SORCS1: variants seen among roughly 807,000 people sequenced by gnomAD.
SORCS1 encodes the protein sortilin related VPS10 domain containing receptor 1.
SORCS1 carries 60 observed loss-of-function variants against 146.1 expected under a neutral mutation model. The observed-to-expected ratio is 0.41, with a 90% CI of 0.33 to 0.51. The LOEUF is 0.51. Ranked by LOEUF, SORCS1 falls within the 20% of genes least tolerant of loss-of-function variation. The pLI, the probability that SORCS1 is intolerant of heterozygous loss-of-function variation, is 0.21. For missense variants in SORCS1, 1,352 were observed against 1,487.6 expected (o/e 0.91, Z 1.50); for synonymous variants, 637 against 584.0 (o/e 1.09, Z -1.31).
chr10:106,635,834 TG>T (rs1172754576), intron 18 of SORCS1, among the ~76,000 whole-genome samples: 1 of 152,186 alleles, frequency 6.6e-6, no homozygotes, highest in Non-Finnish European at 1.5e-5. Context: ...TAAGCGGCAC[TG>T]AGTGACAGAA....
chr10:106,702,526 G>A (rs1406570533), intron 8 of SORCS1, among the ~76,000 whole-genome samples: 2 of 152,154 alleles, frequency 1.3e-5, no homozygotes, highest in Admixed American at 6.5e-5. Flanking sequence ...GGAAAACACA[G>A]ATGTATCAAA....
intron 3 of SORCS1, among the ~76,000 whole-genome samples, chr10:106,796,975 C>T (rs552685503): frequency 5.9e-5 from 9 of 152,158 alleles, no homozygotes; most frequent in South Asian, 4.2e-4. Flanking sequence ...GGCGTGGTGG[C>T]GGGTGCCTGT....
At chr10:106,877,304 T>C (rs754334383) in intron 2 of SORCS1, among the ~76,000 whole-genome samples, 6 of 152,070 alleles carry the variant, frequency 3.9e-5, no homozygotes, top group Admixed American at 1.3e-4. Context: ...AAAGTGGGAA[T>C]GGGCACACTA....
At chr10:106,613,409 A>C (rs2133433683) in intron 21 of SORCS1, among the ~76,000 whole-genome samples, 1 of 152,300 alleles carries the variant, frequency 6.6e-6, no homozygotes, top group Non-Finnish European at 1.5e-5. Context: ...AGGTTCAGTA[A>C]GCCTGTTCAG....
chr10:106,771,569 TA>T (rs1288279867), intron 4 of SORCS1, among the ~76,000 whole-genome samples: 1 of 152,208 alleles, frequency 6.6e-6, no homozygotes, highest in East Asian at 1.9e-4. Context: ...GCCTACTGTT[TA>T]AATTATAGAA....
At chr10:106,882,219 A>G (rs1950829989) in intron 2 of SORCS1, among the ~76,000 whole-genome samples, 1 of 152,202 alleles carries the variant, frequency 6.6e-6, no homozygotes, top group South Asian at 2.1e-4. Context: ...TGGACGAAGA[A>G]GAATTGTCTT....
At chr10:106,612,120 C>A in intron 21 of SORCS1, 97 bp from the exon 22 acceptor site, 1 of 867,506 alleles carries the variant, frequency 1.2e-6, no homozygotes, top group Non-Finnish European at 1.8e-6. Flanking sequence ...GGGTCCTTCC[C>A]CTTCACTTAC....
At chr10:106,636,956 C>T (rs547096061) in intron 18 of SORCS1, among the ~76,000 whole-genome samples, 155 of 152,298 alleles carry the variant, frequency 1.0e-3, no homozygotes, top group Admixed American at 2.4e-3. Context: ...TTGTAAGCTT[C>T]GCTAACTACA....
rs148840097 is a variant in SORCS1 at position 106,872,221 on chromosome 10, C to T, written c.627-42548G>A. Among the ~76,000 whole-genome samples, 26 of 152,266 alleles carry T rather than the reference C, an allele frequency of 1.7e-4. 1 individual carries two copies. The East Asian group carries it at 3.7e-3, about 22-fold the overall frequency. The stretch of plus-strand genomic sequence containing the variant: ...AGCCAAAGAAGGCCTCCTTGAAACG[C>T]ATTTGAGAATAAATCTGAATGACAT... On this transcript the variant is annotated intron_variant, in intron 2 of 25. Transcript: ENST00000263054.
At chr10:107,070,601 T>A (rs1962334543) in intron 1 of SORCS1, among the ~76,000 whole-genome samples, 1 of 152,228 alleles carries the variant, frequency 6.6e-6, no homozygotes, top group African/African-American at 2.4e-5. Context: ...AATAATTTAC[T>A]TTCATCGTTT....
At chr10:106,679,814 A>G (rs1852302072) in intron 10 of SORCS1, 80 bp from the exon 11 acceptor site, 1 of 1,126,856 alleles carries the variant, frequency 8.9e-7, no homozygotes, top group Non-Finnish European at 1.3e-6. Context: ...TCATCCATCC[A>G]TCTAACCAAC....
intron 6 of SORCS1, among the ~76,000 whole-genome samples, chr10:106,723,547 C>T (rs1354542063): frequency 3.9e-5 from 6 of 152,226 alleles, no homozygotes; most frequent in African/African-American, 7.2e-5. Context: ...TAATACCTCC[C>T]GTGATTGATT....
At chr10:107,107,373 G>A (rs1408092932) in intron 1 of SORCS1, among the ~76,000 whole-genome samples, 1 of 152,206 alleles carries the variant, frequency 6.6e-6, no homozygotes, top group Admixed American at 6.5e-5. Context: ...GACAGTGGAG[G>A]AAGGTAATCT....
intron 2 of SORCS1, among the ~76,000 whole-genome samples, chr10:106,918,223 C>G (rs563919909): frequency 1.3e-5 from 2 of 152,046 alleles, no homozygotes; most frequent in Admixed American, 6.5e-5. Context: ...TGCAGTGGTG[C>G]GATTTCAGCT....
intron 1 of SORCS1, among the ~76,000 whole-genome samples, chr10:106,970,311 T>TTCCC (rs1955710792): frequency 6.6e-6 from 1 of 150,668 alleles, no homozygotes; most frequent in South Asian, 2.1e-4. Flanking sequence ...TATCCCCTTC[T>TTCCC]TCCCTCCAAA....
At chr10:107,143,108 A>T (rs2134734052) in intron 1 of SORCS1, among the ~76,000 whole-genome samples, 1 of 152,340 alleles carries the variant, frequency 6.6e-6, no homozygotes, top group South Asian at 2.1e-4. Context: ...TGTAAAAATC[A>T]CAAGTACCAT....
the SORCS1 span, among the ~76,000 whole-genome samples, chr10:107,172,904 T>C: frequency 6.6e-6 from 1 of 152,220 alleles, no homozygotes; most frequent in Non-Finnish European, 1.5e-5. Context: ...CCCTGCCCGG[T>C]AACATTGACA....
intron 1 of SORCS1, among the ~76,000 whole-genome samples, chr10:106,979,864 C>G (rs1956180523): frequency 6.6e-6 from 1 of 152,200 alleles, no homozygotes; most frequent in Non-Finnish European, 1.5e-5. Flanking sequence ...GTTTCCTCAT[C>G]ATGAAGGTAT....
intron 24 of SORCS1, among the ~76,000 whole-genome samples, chr10:106,590,537 C>T (rs765404775): frequency 7.2e-5 from 11 of 152,174 alleles, no homozygotes; most frequent in African/African-American, 9.7e-5. Flanking sequence ...ATTTTCTTAA[C>T]GGCTCAGGTT....
Sources: gnomAD v4.1 joint callset for allele counts (sites outside exome capture counted in the v4.1 genomes callset) on GRCh38, gnomAD v4.1.1 for gene constraint, MANE v1.5 for transcripts, NCBI Gene and HGNC (gene_info 2026-07-23, HGNC 2026-07-21) for gene names.